GLT1D1: variants seen among roughly 807,000 people sequenced by gnomAD.
GLT1D1 encodes glycosyltransferase 1 domain containing 1.
Under a neutral mutation model 28.7 loss-of-function variants are expected in GLT1D1, and 21 were observed. That is an observed-to-expected ratio of 0.73 (90% CI 0.52 to 1.05). GLT1D1 has a LOEUF of 1.05. GLT1D1 is among the 50% of genes least tolerant of loss of function. The pLI, the probability that GLT1D1 is intolerant of heterozygous loss-of-function variation, is 0.00. For missense variants in GLT1D1, 343 were observed against 330.6 expected (o/e 1.04, Z -0.29); for synonymous variants, 147 against 124.8 (o/e 1.18, Z -1.19).
chr12:128,977,089 T>G (rs1267302812), intron 7 of GLT1D1, among the ~76,000 whole-genome samples: 1 of 152,162 alleles, frequency 6.6e-6, no homozygotes, highest in African/African-American at 2.4e-5. Context: ...GAGGTTGCAG[T>G]GAGCCGAGAT....
intron 6 of GLT1D1, among the ~76,000 whole-genome samples, chr12:128,951,219 A>G (rs12817380): frequency 0.12 from 18,334 of 152,068 alleles, 1,272 homozygotes; most frequent in East Asian, 0.16. Flanking sequence ...CCTGGCCAAC[A>G]TGATGAAACC....
At chr12:128,968,162 AT>A (rs1411336407) in intron 7 of GLT1D1, among the ~76,000 whole-genome samples, 1 of 151,668 alleles carries the variant, frequency 6.6e-6, no homozygotes, top group Non-Finnish European at 1.5e-5. Flanking sequence ...CACCTGGCTA[AT>A]TTTTTGTATT....
chr12:128,941,735 G>A (rs1223833959), intron 4 of GLT1D1, among the ~76,000 whole-genome samples: 1 of 151,116 alleles, frequency 6.6e-6, no homozygotes, highest in Non-Finnish European at 1.5e-5. Flanking sequence ...CTACCCCCAC[G>A]CCCAGTCAAT....
Position 128,874,284 on chromosome 12 carries a change from C to A in GLT1D1, c.69-1630C>A, listed in dbSNP as rs902809048. ...GCAACGTTTGCCTCCCGGGTTCAAG[C>A]AATTCTCGTGCCTCAGCCTCCCCAG... On this transcript the variant is annotated intron_variant, in intron 1 of 7. Transcript: ENST00000281703. 7.3e-5 allele frequency among the ~76,000 whole-genome samples: 11 copies of A among 150,644 alleles called. No homozygotes were observed. The East Asian group carries it at 1.4e-3, about 19-fold the overall frequency.
chr12:128,969,146 GTC>G (rs146024781), intron 7 of GLT1D1, among the ~76,000 whole-genome samples: 86 of 118,906 alleles, frequency 7.2e-4, no homozygotes, highest in Non-Finnish European at 1.1e-3. Context: ...CTCCCTCTCA[GTC>G]TCTGTTTCTC....
intron 7 of GLT1D1, 59 bp from the exon 12 acceptor site, chr12:128,982,870 C>A: frequency 1.3e-6 from 2 of 1,532,142 alleles, no homozygotes; most frequent in South Asian, 1.1e-5. Flanking sequence ...ATCTTGGGTG[C>A]ATTTGCAAAA....
chr12:128,954,083 C>T (rs183209049), intron 6 of GLT1D1, among the ~76,000 whole-genome samples: 2 of 150,934 alleles, frequency 1.3e-5, no homozygotes, highest in Admixed American at 6.6e-5. Context: ...TACTTTATCT[C>T]GAGATCTGGT....
At chr12:128,874,121 T>C (rs1407886276) in intron 1 of GLT1D1, among the ~76,000 whole-genome samples, 2 of 55,672 alleles carry the variant, frequency 3.6e-5, no homozygotes, top group African/African-American at 1.4e-4. Flanking sequence ...TCTCTCTCTC[T>C]CTCTCTTTCT....
intron 7 of GLT1D1, among the ~76,000 whole-genome samples, chr12:128,978,609 G>A (rs946010407): frequency 1.3e-5 from 2 of 152,090 alleles, no homozygotes; most frequent in African/African-American, 4.8e-5. Flanking sequence ...ATCTTGTTAC[G>A]GGAAAGGGGT....
intron 7 of GLT1D1, among the ~76,000 whole-genome samples, chr12:128,971,053 G>A (rs1446897697): frequency 6.6e-6 from 1 of 152,122 alleles, no homozygotes; most frequent in African/African-American, 2.4e-5. Flanking sequence ...TACTTTAACT[G>A]CTCTCATTTC....
At chr12:128,936,078 C>T (rs919232713) in intron 4 of GLT1D1, among the ~76,000 whole-genome samples, 6 of 152,020 alleles carry the variant, frequency 3.9e-5, no homozygotes, top group Middle Eastern at 3.4e-3. Context: ...AGCGGGGATT[C>T]GATGAGTGAA....
intron 4 of GLT1D1, among the ~76,000 whole-genome samples, chr12:128,928,039 A>AAAAAAAAAAAAAAAAAAAAAAAAAAG (rs1873462555): frequency 6.6e-6 from 1 of 150,702 alleles, no homozygotes; most frequent in African/African-American, 2.4e-5. Context: ...AAAAGAATAG[A>AAAAAAAAAAAAAAAAAAAAAAAAAAG]AAAAAAGAAA....
At chr12:128,956,694 C>A (rs1487372169) in intron 6 of GLT1D1, among the ~76,000 whole-genome samples, 1 of 152,216 alleles carries the variant, frequency 6.6e-6, no homozygotes. Flanking sequence ...TGAGCTTTCC[C>A]TTTTCTTCCT....
At chr12:128,923,572 G>T (rs1593137511) in intron 4 of GLT1D1, among the ~76,000 whole-genome samples, 1 of 151,292 alleles carries the variant, frequency 6.6e-6, no homozygotes, top group East Asian at 2.0e-4. Context: ...CCCAGGCTGG[G>T]AGTGCAGTGC....
At chr12:128,945,671 A>G (rs61945047) in intron 5 of GLT1D1, among the ~76,000 whole-genome samples, 11,495 of 152,276 alleles carry the variant, frequency 0.075, 596 homozygotes, top group South Asian at 0.13. Context: ...GCCTGCCTGG[A>G]GGGCAATTTG....
chr12:128,860,491 T>C (rs995299665), intron 1 of GLT1D1, among the ~76,000 whole-genome samples: 2 of 152,176 alleles, frequency 1.3e-5, no homozygotes, highest in Non-Finnish European at 2.9e-5. Context: ...GTCTAAGATA[T>C]GTGGTTCACT....
chr12:128,910,050 AT>A (rs1483875146), intron 4 of GLT1D1, among the ~76,000 whole-genome samples: 1 of 152,270 alleles, frequency 6.6e-6, no homozygotes, highest in Non-Finnish European at 1.5e-5. Context: ...TTTTATTGCA[AT>A]GATTACAAAT....
At chr12:128,935,280 C>T (rs1270396477) in intron 4 of GLT1D1, among the ~76,000 whole-genome samples, 1 of 152,150 alleles carries the variant, frequency 6.6e-6, no homozygotes, top group East Asian at 1.9e-4. Context: ...GGCGCGGTGG[C>T]TCACGTCTGT....
At chr12:128,873,444 T>G (rs891606705) in intron 1 of GLT1D1, among the ~76,000 whole-genome samples, 5 of 152,136 alleles carry the variant, frequency 3.3e-5, no homozygotes, top group African/African-American at 4.8e-5. Context: ...GGTGAGGTAG[T>G]TTTTTGGTCT....
Sources: gnomAD v4.1 joint callset for allele counts (sites outside exome capture counted in the v4.1 genomes callset) on GRCh38, gnomAD v4.1.1 for gene constraint, MANE v1.5 for transcripts, NCBI Gene and HGNC (gene_info 2026-07-23, HGNC 2026-07-21) for gene names.